DISC1: variants seen among roughly 807,000 people sequenced by gnomAD.
DISC1 encodes DISC1 scaffold protein.
A neutral mutation model predicts 84.5 loss-of-function variants in DISC1; 57 were observed. The observed-to-expected ratio is 0.67, with a 90% CI of 0.55 to 0.84. DISC1 has a LOEUF of 0.84. DISC1 is among the 40% of genes least tolerant of loss of function. The pLI is 0.00. For synonymous variants in DISC1, 411 were observed against 415.2 expected (o/e 0.99, Z 0.12); for missense variants, 1,000 against 1,057.8 (o/e 0.95, Z 0.76).
chr1:231,846,728 A>G (rs2083472751), intron 9 of DISC1, among the ~76,000 whole-genome samples: 1 of 152,252 alleles, frequency 6.6e-6, no homozygotes, highest in Non-Finnish European at 1.5e-5. Context: ...CTGAAACCAG[A>G]AGAAACAGCA....
intron 9 of DISC1, among the ~76,000 whole-genome samples, chr1:231,881,053 T>C (rs2086257213): frequency 6.6e-6 from 1 of 152,030 alleles, no homozygotes; most frequent in East Asian, 1.9e-4. Context: ...GCAAGCTGGG[T>C]TTATTTTCCT....
At chr1:231,682,467 C>T (rs773212533) in intron 1 of DISC1, among the ~76,000 whole-genome samples, 7 of 152,088 alleles carry the variant, frequency 4.6e-5, no homozygotes, top group African/African-American at 7.2e-5. Context: ...TGGTATAGCA[C>T]GGTTAAAGTC....
intron 1 of DISC1, among the ~76,000 whole-genome samples, chr1:231,639,281 A>C (rs1431593961): frequency 1.3e-5 from 2 of 152,226 alleles, no homozygotes; most frequent in Non-Finnish European, 2.9e-5. Context: ...GTGAGAGAAA[A>C]ATGTCCATTC....
chr1:231,735,175 A>T (rs1045318978), intron 3 of DISC1, among the ~76,000 whole-genome samples: 5 of 152,200 alleles, frequency 3.3e-5, no homozygotes, highest in African/African-American at 1.2e-4. Flanking sequence ...AGGACTTTTT[A>T]AAAAACATAC....
At chr1:231,700,309 C>G (rs750423192) in intron 2 of DISC1, among the ~76,000 whole-genome samples, 1 of 152,156 alleles carries the variant, frequency 6.6e-6, no homozygotes, top group African/African-American at 2.4e-5. Flanking sequence ...TCAGCCTACT[C>G]AAGATGAAGA....
intron 2 of DISC1, among the ~76,000 whole-genome samples, chr1:231,697,635 G>A (rs2065890140): frequency 7.0e-6 from 1 of 142,430 alleles, no homozygotes; most frequent in African/African-American, 2.6e-5. Flanking sequence ...TTTGGGTAGA[G>A]ATGAGGGTCT....
At chr1:231,830,514 G>A (rs557930408) in intron 9 of DISC1, among the ~76,000 whole-genome samples, 11 of 152,194 alleles carry the variant, frequency 7.2e-5, no homozygotes, top group Non-Finnish European at 1.6e-4. Flanking sequence ...CGGCAGTTTG[G>A]GGATAGCACC....
At chr1:231,892,738 T>A (rs1295338633) in intron 9 of DISC1, among the ~76,000 whole-genome samples, 1 of 151,448 alleles carries the variant, frequency 6.6e-6, no homozygotes, top group Non-Finnish European at 1.5e-5. Context: ...TAGACAAACA[T>A]AGAAGAAAAA....
At chr1:231,650,409 G>C (rs1249300815) in intron 1 of DISC1, among the ~76,000 whole-genome samples, 1 of 152,204 alleles carries the variant, frequency 6.6e-6, no homozygotes, top group African/African-American at 2.4e-5. Context: ...CTTCTGGCTT[G>C]TAGAGTTTCT....
intron 9 of DISC1, among the ~76,000 whole-genome samples, chr1:231,849,713 AC>A (rs2083747257): frequency 1.3e-5 from 2 of 150,582 alleles, no homozygotes; most frequent in Non-Finnish European, 3.0e-5. Context: ...GAGTTATTAT[AC>A]AAGCTCGTGA....
chr1:232,027,827 G>A (rs999976890), intron 12 of DISC1, among the ~76,000 whole-genome samples: 20 of 149,800 alleles, frequency 1.3e-4, no homozygotes, highest in Non-Finnish European at 1.5e-4. Flanking sequence ...GTGTGTGTGT[G>A]TGTATAAGTA....
chr1:231,812,163 T>C (rs2080369833), intron 8 of DISC1, among the ~76,000 whole-genome samples: 1 of 152,064 alleles, frequency 6.6e-6, no homozygotes, highest in Non-Finnish European at 1.5e-5. Flanking sequence ...TCAAGTGATC[T>C]TCTCACCTCA....
At chr1:231,632,340 C>T (rs1296199290) in intron 1 of DISC1, among the ~76,000 whole-genome samples, 1 of 152,188 alleles carries the variant, frequency 6.6e-6, no homozygotes, top group Non-Finnish European at 1.5e-5. Context: ...AGCCACGTGG[C>T]CTTGTGCTTG....
chr1:231,930,756 A>C (rs1400686840), intron 9 of DISC1, among the ~76,000 whole-genome samples: 1 of 152,126 alleles, frequency 6.6e-6, no homozygotes, highest in South Asian at 2.1e-4. Flanking sequence ...TGCAAACTCA[A>C]TGCTATCTAG....
In DISC1 at chr1:231,785,311, G is replaced by T. The variant is rs188446217; in HGVS notation, c.1635-9931G>T. ...TTTATTTATTTAGAGACAAAGTCTT[G>T]CTTTGTCACCCAGGCTGGAGTGCAG... is the stretch of plus-strand genomic sequence containing the variant. On this transcript the variant is annotated intron_variant, in intron 6 of 12. Coordinates refer to ENST00000439617, the MANE Select transcript of DISC1 (RefSeq NM_018662.3). Among the ~76,000 whole-genome samples, 1,060 of 149,588 alleles carry T rather than the reference G, an allele frequency of 7.1e-3. 11 individuals carry two copies. Among genetic ancestry groups the T allele is most frequent in the African/African-American group, 0.022 (903 of 40,660 alleles).
At chr1:232,012,775 G>T (rs540291988) in intron 11 of DISC1, among the ~76,000 whole-genome samples, 54 of 152,274 alleles carry the variant, frequency 3.5e-4, no homozygotes, top group Non-Finnish European at 5.9e-4. Flanking sequence ...ACACCTTCCT[G>T]GGTCTACGGT....
intron 9 of DISC1, among the ~76,000 whole-genome samples, chr1:231,916,048 T>G (rs567493482): frequency 6.6e-6 from 1 of 152,192 alleles, no homozygotes; most frequent in Non-Finnish European, 1.5e-5. Context: ...AGTAGCTCTT[T>G]TCCACGAAAC....
rs201048825 is a variant in DISC1 at position 231,677,122 on chromosome 1, C to T, written c.68-16704C>T. ...TTAAAATTTTCATGAGTTTCTTTTA[C>T]TTGTCAGAAGTTGCCTACAGCTTAG... is the stretch of plus-strand genomic sequence containing the variant. On this transcript the variant is annotated intron_variant, in intron 1 of 12. Coordinates refer to ENST00000439617, the MANE Select transcript of DISC1 (RefSeq NM_018662.3). Among the ~76,000 whole-genome samples, 300 of 152,304 alleles carry T rather than the reference C, an allele frequency of 2.0e-3. 1 individual carries two copies. The highest frequency in any genetic ancestry group is 7.2e-3 in the Admixed American group (110 of 15,304).
chr1:231,969,335 G>A (rs1420091638), intron 10 of DISC1, among the ~76,000 whole-genome samples: 1 of 151,998 alleles, frequency 6.6e-6, no homozygotes. Flanking sequence ...GGTTCCTACA[G>A]TCAAGTGGCA....
Sources: allele counts gnomAD v4.1 joint callset (sites outside exome capture counted in the v4.1 genomes callset), GRCh38; gene constraint gnomAD v4.1.1; transcripts MANE v1.5; gene names NCBI Gene and HGNC (gene_info 2026-07-23, HGNC 2026-07-21).